The following CDH13 variants were observed in gnomAD, a reference collection of about 807,000 sequenced individuals.
CDH13 encodes cadherin-13.
CDH13 carries 24 observed loss-of-function variants against 63.8 expected under a neutral mutation model. The observed-to-expected ratio is 0.38, with a 90% CI of 0.27 to 0.53. CDH13 has a LOEUF of 0.53. Among genes scored for constraint, CDH13 ranks in the 20% least tolerant of loss-of-function variants. CDH13 has a pLI of 0.85. For synonymous variants in CDH13, 503 were observed against 355.3 expected (o/e 1.42, Z -4.67); for missense variants, 1,049 against 903.1 (o/e 1.16, Z -2.07).
At position 82,964,695 on chromosome 16, in the gene CDH13, G is replaced by A. The variant is rs540740141; in HGVS notation, c.158-67315G>A. Among the ~76,000 whole-genome samples the A allele has an allele frequency of 1.6e-4, 24 of 152,340 alleles. No homozygotes were observed. The South Asian group carries it at 4.4e-3, about 28-fold the overall frequency. ...TTCCAGTGGTTAATAGAGGTCAGGT[G>A]TAGCCAGTGTAATTTAGAAGCTGTG... On this transcript the variant is annotated intron_variant, in intron 2 of 13. Coordinates refer to ENST00000567109, the MANE Select transcript of CDH13 (RefSeq NM_001257.5).
intron 6 of CDH13, among the ~76,000 whole-genome samples, chr16:83,444,917 A>G (rs2072627234): frequency 3.1e-4 from 2 of 6,486 alleles, no homozygotes; most frequent in East Asian, 0.011. Flanking sequence ...AAAATGGACC[A>G]AAATGCCTCT....
chr16:82,627,779 C>T (rs113513653), intron 1 of CDH13, among the ~76,000 whole-genome samples: 1,683 of 152,308 alleles, frequency 0.011, 22 homozygotes, highest in African/African-American at 0.038. Context: ...TCCCAGACCC[C>T]GGGCCCGAAA....
At chr16:82,960,555 G>A (rs1032623425) in intron 2 of CDH13, among the ~76,000 whole-genome samples, 1 of 152,124 alleles carries the variant, frequency 6.6e-6, no homozygotes, top group African/African-American at 2.4e-5. Context: ...ATAGTCACAG[G>A]CAAAAGCTAT....
chr16:83,080,809 G>GTTATTTTTTA lies in CDH13; in HGVS notation c.367-44575_367-44566dup, dbSNP rs562473362. On this transcript the variant is annotated intron_variant, in intron 3 of 13. Coordinates refer to ENST00000567109, the MANE Select transcript of CDH13 (RefSeq NM_001257.5). The stretch of plus-strand genomic sequence containing the variant: ...GGGAATCTTGGCAGAAAATTAGTGG[G>GTTATTTTTTA]TTATTTTTTAGTCCTTATTAGTAAG... Among the ~76,000 whole-genome samples the GTTATTTTTTA allele has an allele frequency of 3.5e-3, 518 of 147,810 alleles. 6 individuals are homozygous for GTTATTTTTTA. The highest frequency in any genetic ancestry group is 0.012 in the African/African-American group (491 of 39,920).
At chr16:82,814,908 C>T (rs182562169) in intron 1 of CDH13, among the ~76,000 whole-genome samples, 11 of 152,186 alleles carry the variant, frequency 7.2e-5, no homozygotes, top group Admixed American at 2.0e-4. Context: ...GAGGATTACC[C>T]GCTGGTGTCC....
intron 6 of CDH13, among the ~76,000 whole-genome samples, chr16:83,482,651 C>T (rs2073797835): frequency 6.6e-6 from 1 of 152,218 alleles, no homozygotes; most frequent in South Asian, 2.1e-4. Flanking sequence ...AAGAGCCAAG[C>T]ATTGCACTCA....
chr16:83,046,907 G>C lies in CDH13; in HGVS notation c.366+14689G>C, dbSNP rs1917839148. On this transcript the variant is annotated intron_variant, in intron 3 of 13. Transcript: ENST00000567109. Reference sequence around the variant, plus strand: ...GCCAATCAGAGAAGACTGGACATGAGATCCAAGAGAGGGCTTTCCCTTTCC... The same window carrying C: ...GCCAATCAGAGAAGACTGGACATGACATCCAAGAGAGGGCTTTCCCTTTCC... 2.0e-5 allele frequency among the ~76,000 whole-genome samples: 3 copies of C among 152,154 alleles called. No homozygotes were observed. The South Asian group carries it at 6.2e-4, about 32-fold the overall frequency.
chr16:82,953,106 T>C (rs899242475), intron 2 of CDH13: 4 of 152,230 alleles, frequency 2.6e-5, no homozygotes, highest in Admixed American at 6.5e-5. Flanking sequence ...TTTTTCCTCA[T>C]AGACTATGAT....
chr16:83,097,429 G>A (rs2034260709), intron 3 of CDH13, among the ~76,000 whole-genome samples: 1 of 152,056 alleles, frequency 6.6e-6, no homozygotes, highest in Non-Finnish European at 1.5e-5. Flanking sequence ...CTTTGTAATT[G>A]GTAAAGTCAC....
At chr16:83,060,016 G>T (rs1257065038) in intron 3 of CDH13, among the ~76,000 whole-genome samples, 2 of 151,850 alleles carry the variant, frequency 1.3e-5, no homozygotes, top group Non-Finnish European at 2.9e-5. Flanking sequence ...GGGTGGTCTT[G>T]ATCTCCTGAC....
chr16:83,035,240 A>C (rs2151479495), intron 3 of CDH13, among the ~76,000 whole-genome samples: 1 of 152,252 alleles, frequency 6.6e-6, no homozygotes, highest in East Asian at 1.9e-4. Flanking sequence ...TAGAGAAGAA[A>C]ATCAGTGAGT....
At chr16:83,006,203 A>G (rs1265397610) in intron 2 of CDH13, among the ~76,000 whole-genome samples, 1 of 152,292 alleles carries the variant, frequency 6.6e-6, no homozygotes, top group African/African-American at 2.4e-5. Context: ...ACTTTAATAC[A>G]TAAACAAAAA....
Position 83,698,423 on chromosome 16 carries a change from C to T in CDH13, c.1538+19962C>T, listed in dbSNP as rs530450425. Among the ~76,000 whole-genome samples the T allele has an allele frequency of 2.6e-5, 4 of 152,340 alleles. No homozygotes were observed. The East Asian group carries it at 5.8e-4, about 22-fold the overall frequency. On this transcript the variant is annotated intron_variant, in intron 10 of 13. Transcript: ENST00000567109. ...TCTCCCAGTGTCACTGACTAGGCAC[C>T]GTTGGCTTTGATGAACCTCCCTGAG...
chr16:83,237,491 G>T (rs185043885), intron 5 of CDH13, among the ~76,000 whole-genome samples: 12 of 152,266 alleles, frequency 7.9e-5, no homozygotes, highest in Admixed American at 7.8e-4. Flanking sequence ...CAAATAGATA[G>T]TAGTCCACGT....
intron 1 of CDH13, among the ~76,000 whole-genome samples, chr16:82,744,378 A>G (rs1465771896): frequency 1.3e-5 from 2 of 152,100 alleles, no homozygotes; most frequent in Non-Finnish European, 2.9e-5. Context: ...ATGAACCACA[A>G]TATGCATCTA....
At chr16:83,567,719 C>T (rs1441098297) in intron 7 of CDH13, among the ~76,000 whole-genome samples, 2 of 152,164 alleles carry the variant, frequency 1.3e-5, no homozygotes, top group Non-Finnish European at 2.9e-5. Context: ...TCTCAGCCTC[C>T]TGAATAGCTG....
At chr16:83,086,914 T>C (rs1197373117) in intron 3 of CDH13, among the ~76,000 whole-genome samples, 2 of 152,128 alleles carry the variant, frequency 1.3e-5, no homozygotes, top group Admixed American at 1.3e-4. Context: ...AAAATAAAAT[T>C]ATAATGGCCA....
At chr16:83,423,449 G>A (rs780276670) in intron 6 of CDH13, among the ~76,000 whole-genome samples, 11 of 151,444 alleles carry the variant, frequency 7.3e-5, no homozygotes, top group Non-Finnish European at 1.5e-4. Context: ...CCTTGATCTC[G>A]CATCTTTTAA....
intron 4 of CDH13, among the ~76,000 whole-genome samples, chr16:83,209,236 G>T (rs1294528003): frequency 6.6e-6 from 1 of 152,136 alleles, no homozygotes; most frequent in Non-Finnish European, 1.5e-5. Context: ...TCCTTCACCT[G>T]GCAACTTTCA....
Sources: gnomAD v4.1 joint callset for allele counts (sites outside exome capture counted in the v4.1 genomes callset) on GRCh38, gnomAD v4.1.1 for gene constraint, MANE v1.5 for transcripts, NCBI Gene and HGNC (gene_info 2026-07-23, HGNC 2026-07-21) for gene names.